The following BOK variants were observed in gnomAD, a reference collection of about 807,000 sequenced individuals.
BOK encodes the protein bcl-2-related ovarian killer protein.
In BOK, 20 loss-of-function variants were observed where a neutral mutation model predicts 18.3. The observed-to-expected ratio is 1.09, with a 90% CI of 0.77 to 1.59. The LOEUF (loss-of-function observed/expected upper bound fraction) is 1.59. Ranked by LOEUF, BOK falls within the 40% of genes most tolerant of loss-of-function variation. The pLI, the probability that BOK is intolerant of heterozygous loss-of-function variation, is 0.00. For missense variants in BOK, 348 were observed against 307.9 expected (o/e 1.13, Z -0.97); for synonymous variants, 173 against 142.4 (o/e 1.21, Z -1.53).
At chr2:241,554,669 T>C (rs2066437816), upstream of BOK, among the ~76,000 whole-genome samples, 1 of 152,232 alleles carries the variant, frequency 6.6e-6, no homozygotes. Context: ...CCTGAACTTG[T>C]GAGGTATATA....
rs999044702 is a variant in BOK, at chr2:241,558,966, C to A, written c.-57C>A. 1 of 151,776 alleles carries A rather than the reference C, an allele frequency of 6.6e-6. No individual in the cohort carries two copies. The highest frequency in any genetic ancestry group is 1.5e-5 in the Non-Finnish European group (1 of 67,896). 9.4% of individuals were successfully genotyped at this position (151,776 alleles called of 1,614,324 possible). Reference sequence around the variant, plus strand: ...CAGATCCTGAAGCCAGAACTCCACCCCGGCGCCCGCGCCATGCGGCGGGAG... The same window carrying A: ...CAGATCCTGAAGCCAGAACTCCACCACGGCGCCCGCGCCATGCGGCGGGAG... On this transcript the variant is annotated 5_prime_UTR_variant, in exon 1 of 5. Transcript: ENST00000318407.
Position 241,558,868 on chromosome 2 carries a change from G to C in BOK, c.-155G>C, listed in dbSNP as rs981063178. The C allele has an allele frequency of 4.6e-5, 7 of 151,994 alleles. No homozygotes were observed. Among genetic ancestry groups the C allele is most frequent in the Non-Finnish European group, 1.0e-4 (7 of 67,982 alleles). The allele number at this position is 151,994 out of a possible 1,614,324, so 9.4% of individuals were successfully genotyped here. A position where few individuals can be genotyped will look rare whatever the true frequency, so the allele number is the denominator to read the frequency against. On this transcript the variant is annotated 5_prime_UTR_variant, in exon 1 of 5. Coordinates refer to ENST00000318407, the MANE Select transcript of BOK (RefSeq NM_032515.5). ...GGCGCTCCCGGCTCGGGCGTGGACGGGGCGGGCGCCGGGGCGGGGCGCGCG... is the reference window on the plus strand; with the variant it reads ...GGCGCTCCCGGCTCGGGCGTGGACGCGGCGGGCGCCGGGGCGGGGCGCGCG...
At chr2:241,560,115 TTCCGAGGCC>T (rs1267585565) in intron 2 of BOK, 22 of 985,350 alleles carry the variant, frequency 2.2e-5, no homozygotes, top group East Asian at 2.3e-4. Context: ...GCCCTCTGGA[TTCCGAGGCC>T]TCCGAGGCCC....
In BOK at chr2:241,572,412, CAG is replaced by C. The variant is rs1159402253; in HGVS notation, c.635_636del (p.Arg212MetfsTer57). 2 of 1,598,504 alleles carry C rather than the reference CAG, an allele frequency of 1.3e-6. No homozygotes were observed. Among genetic ancestry groups the C allele is most frequent in the Non-Finnish European group, 1.7e-6 (2 of 1,178,438 alleles). Reference sequence around the variant, plus strand: ...AAGGCTGCCTTCTTCGTGCTGCTGCCAGAGAGATGAGCTGCCCACCTGGCAGT... The same window carrying C: ...AAGGCTGCCTTCTTCGTGCTGCTGCCAGAGATGAGCTGCCCACCTGGCAGT... On this transcript the variant is annotated frameshift_variant, in exon 5 of 5. Transcript: ENST00000318407. LOFTEE classifies it high-confidence loss of function.
At chr2:241,568,016 C>G (rs1027660207) in intron 3 of BOK, among the ~76,000 whole-genome samples, 1 of 152,104 alleles carries the variant, frequency 6.6e-6, no homozygotes, top group Non-Finnish European at 1.5e-5. Flanking sequence ...ATTTTGCATC[C>G]ACGGACTCAC....
chr2:241,560,089 C>T (rs559532000), intron 2 of BOK: 220 of 985,266 alleles, frequency 2.2e-4, no homozygotes, highest in Non-Finnish European at 2.6e-4. Context: ...TGTTACTGGC[C>T]GAGATCCCGC....
At chr2:241,558,465 G>A (rs1371735674), upstream of BOK, among the ~76,000 whole-genome samples, 2 of 152,222 alleles carry the variant, frequency 1.3e-5, no homozygotes, top group African/African-American at 4.8e-5. Context: ...AAGGGCATGC[G>A]TCCGGACCAA....
At chr2:241,567,923 G>C (rs962807289) in intron 3 of BOK, among the ~76,000 whole-genome samples, 1 of 151,874 alleles carries the variant, frequency 6.6e-6, no homozygotes, top group African/African-American at 2.4e-5. Context: ...GCCTGTGCCC[G>C]TGGCCGCCAC....
upstream of BOK, among the ~76,000 whole-genome samples, chr2:241,554,246 G>A (rs1337673835): frequency 5.3e-5 from 8 of 152,200 alleles, no homozygotes; most frequent in Non-Finnish European, 2.9e-5. Flanking sequence ...ACCAGGGTGG[G>A]GGAGGCAAGC....
chr2:241,572,296 G>C lies in BOK; in HGVS notation c.514-1G>C. 6.2e-7 allele frequency: 1 copy of C among 1,611,126 alleles called. No individual in the cohort carries two copies. Among genetic ancestry groups the C allele is most frequent in the Non-Finnish European group, 8.5e-7 (1 of 1,179,612 alleles). Reference sequence around the variant, plus strand: ...CTAACGGTCTCCCTCTTCCCTCCCAGACTGATGTCCTCAAGTGTGTGGTCA... The same window carrying C: ...CTAACGGTCTCCCTCTTCCCTCCCACACTGATGTCCTCAAGTGTGTGGTCA... On this transcript the variant is annotated splice_acceptor_variant, in intron 4 of 4. Transcript: ENST00000318407. LOFTEE classifies it high-confidence loss of function.
At chr2:241,556,601 A>AAG (rs1395099583), upstream of BOK, among the ~76,000 whole-genome samples, 2 of 151,562 alleles carry the variant, frequency 1.3e-5, no homozygotes, top group African/African-American at 2.4e-5. Flanking sequence ...AAAAAAAAAA[A>AAG]AGAATTCAGT....
chr2:241,554,946 A>T (rs1355026250), upstream of BOK, among the ~76,000 whole-genome samples: 5 of 152,198 alleles, frequency 3.3e-5, no homozygotes, highest in Admixed American at 3.3e-4. Context: ...AGTCAGTTGC[A>T]TGGCAAGAGT....
At chr2:241,565,090 C>T (rs1056923635) in intron 3 of BOK, among the ~76,000 whole-genome samples, 2 of 152,104 alleles carry the variant, frequency 1.3e-5, no homozygotes, top group South Asian at 2.1e-4. Context: ...GGAATGTGGG[C>T]GGCACCGGCC....
In BOK at chr2:241,562,918, G is replaced by T. The variant is rs143761623; in HGVS notation, c.349+442G>T. 1.4e-3 allele frequency among the ~76,000 whole-genome samples: 216 copies of T among 152,308 alleles called. 3 individuals are homozygous for T. The East Asian group carries it at 0.033, about 23-fold the overall frequency. On this transcript the variant is annotated intron_variant, in intron 3 of 4. Transcript: ENST00000318407. The surrounding 1 kb of genome is among the most constrained non-coding windows in gnomAD (Gnocchi z 4.5). ...GACAGCTCCCGAGTAGATGCTGCCA[G>T]GCTGTTAGGATATACCCTCAGAAGT...
intron 4 of BOK, among the ~76,000 whole-genome samples, chr2:241,571,797 A>G (rs2066725773): frequency 6.6e-6 from 1 of 152,266 alleles, no homozygotes; most frequent in African/African-American, 2.4e-5. Context: ...GAGTCCAGGG[A>G]GTCCGTGGGC....
chr2:241,569,553 T>G (rs2066672671), intron 3 of BOK, among the ~76,000 whole-genome samples: 2 of 152,264 alleles, frequency 1.3e-5, no homozygotes. Flanking sequence ...CTGTTCCAGT[T>G]CTGTGCTCAT....
At chr2:241,564,437 G>GC (rs1310650905) in intron 3 of BOK, among the ~76,000 whole-genome samples, 1 of 152,180 alleles carries the variant, frequency 6.6e-6, no homozygotes, top group Non-Finnish European at 1.5e-5. Context: ...TGGCTCCAAG[G>GC]CCCCCACGTG....
intron 4 of BOK, among the ~76,000 whole-genome samples, chr2:241,571,281 C>A (rs2066714424): frequency 1.4e-5 from 2 of 147,678 alleles, no homozygotes; most frequent in African/African-American, 4.9e-5. Flanking sequence ...TGTCTCCACG[C>A]CCCCAACTTC....
chr2:241,559,622 G>A lies in BOK; in HGVS notation c.139G>A (p.Gly47Ser), dbSNP rs2066495098. The change falls in exon 2 of 5, where the codon GGC becomes AGC. Residue 47 changes from glycine (G) to serine (S), a missense_variant. By Grantham distance (56) the Gly-to-Ser change is moderately conservative. Transcript: ENST00000318407. ...EYVHARLLRA[G>S]LSWSAPERAA... ...CGTGCACGCGCGGCTGCTGCGCGCCGGCCTCTCCTGGAGCGCGCCCGAGCG... is the reference window on the plus strand; with the variant it reads ...CGTGCACGCGCGGCTGCTGCGCGCCAGCCTCTCCTGGAGCGCGCCCGAGCG... 6.8e-7 allele frequency: 1 copy of A among 1,467,450 alleles called. No homozygotes were observed. The highest frequency in any genetic ancestry group is 9.0e-7 in the Non-Finnish European group (1 of 1,115,798). The allele number at this position is 1,467,450 out of a possible 1,614,324, so 90.9% of individuals were successfully genotyped here. A position where few individuals can be genotyped will look rare whatever the true frequency, so the allele number is the denominator to read the frequency against.
Sources: allele counts gnomAD v4.1 joint callset (sites outside exome capture counted in the v4.1 genomes callset), GRCh38; gene constraint gnomAD v4.1.1; non-coding constraint Gnocchi (gnomAD v3.1); transcripts MANE v1.5; gene names NCBI Gene and HGNC (gene_info 2026-07-23, HGNC 2026-07-21).